The following SLC4A4 variants were observed in gnomAD, a reference collection of about 807,000 sequenced individuals.
SLC4A4 encodes the protein solute carrier family 4 member 4, also known as electrogenic sodium bicarbonate cotransporter 1.
SLC4A4 carries 27 observed loss-of-function variants against 111.5 expected under a neutral mutation model. That is an observed-to-expected ratio of 0.24 (90% CI 0.18 to 0.33). The LOEUF (loss-of-function observed/expected upper bound fraction) is 0.33. SLC4A4 is among the 10% of genes least tolerant of loss of function. The pLI is 1.00. For synonymous variants in SLC4A4, 443 were observed against 463.4 expected (o/e 0.96, Z 0.57); for missense variants, 909 against 1,315.5 (o/e 0.69, Z 4.78).
At chr4:71,335,633 G>A (rs1387534524) in intron 3 of SLC4A4, among the ~76,000 whole-genome samples, 1 of 152,136 alleles carries the variant, frequency 6.6e-6, no homozygotes, top group Non-Finnish European at 1.5e-5. Flanking sequence ...AGACCATCCT[G>A]ACTAACACGG....
intron 14 of SLC4A4, among the ~76,000 whole-genome samples, chr4:71,478,974 T>A (rs1199070948): frequency 1.3e-5 from 2 of 151,770 alleles, no homozygotes; most frequent in Non-Finnish European, 2.9e-5. Flanking sequence ...TCAAGGCACA[T>A]TAATATTTTG....
chr4:71,403,949 T>G (rs1195958905), intron 7 of SLC4A4, among the ~76,000 whole-genome samples: 1 of 152,174 alleles, frequency 6.6e-6, no homozygotes, highest in Non-Finnish European at 1.5e-5. Flanking sequence ...TTTCTTAATG[T>G]GTTAGCCATA....
At chr4:71,272,757 T>C (rs1471814828) in intron 3 of SLC4A4, among the ~76,000 whole-genome samples, 1 of 152,166 alleles carries the variant, frequency 6.6e-6, no homozygotes, top group African/African-American at 2.4e-5. Flanking sequence ...TCCTGATGAT[T>C]TTTCACAACT....
intron 2 of SLC4A4, among the ~76,000 whole-genome samples, chr4:71,167,122 T>C (rs565391531): frequency 2.0e-5 from 3 of 152,192 alleles, no homozygotes; most frequent in African/African-American, 7.2e-5. Context: ...GCTGGAGTGA[T>C]TTGATGGCAG....
chr4:71,427,085 G>T (rs1188907326), intron 7 of SLC4A4, among the ~76,000 whole-genome samples: 1 of 152,072 alleles, frequency 6.6e-6, no homozygotes, highest in Non-Finnish European at 1.5e-5. Context: ...TTTTCACAAT[G>T]TGAACACACC....
At chr4:71,508,844 G>A (rs975972777) in intron 16 of SLC4A4, among the ~76,000 whole-genome samples, 15 of 152,150 alleles carry the variant, frequency 9.9e-5, no homozygotes, top group African/African-American at 3.6e-4. Flanking sequence ...GAACATTGAT[G>A]CAAAAATCTT....
intron 23 of SLC4A4, 27 bp from the exon 24 acceptor site, chr4:71,563,765 TA>T: frequency 7.1e-7 from 1 of 1,416,502 alleles, no homozygotes; most frequent in Non-Finnish European, 1.0e-6. Flanking sequence ...AAAAACATTC[TA>T]AAACCTCTTG....
At chr4:71,155,366 T>C (rs996196050) in intron 2 of SLC4A4, among the ~76,000 whole-genome samples, 1 of 152,146 alleles carries the variant, frequency 6.6e-6, no homozygotes, top group African/African-American at 2.4e-5. Context: ...AAAAACCAAA[T>C]AAAGAAGAAA....
chr4:71,077,163 A>G (rs893480942), intron 1 of SLC4A4, among the ~76,000 whole-genome samples: 1 of 149,364 alleles, frequency 6.7e-6, no homozygotes, highest in Non-Finnish European at 1.5e-5. Context: ...TAGAGTATGT[A>G]CTTTTTTTTT....
At chr4:71,350,100 A>G (rs374520458) in intron 5 of SLC4A4, 28 bp downstream of exon 5, 4 of 1,612,892 alleles carry the variant, frequency 2.5e-6, no homozygotes, top group Non-Finnish European at 2.5e-6. Flanking sequence ...ATTTTATCCT[A>G]TTTTTTTCGG....
intron 1 of SLC4A4, chr4:71,236,046 G>A (rs1428178878): frequency 1.0e-6 from 1 of 993,212 alleles, no homozygotes; most frequent in Non-Finnish European, 1.2e-6. Flanking sequence ...AGGCTGGCTG[G>A]AAGCTAGGCT....
At chr4:71,161,694 GAATGAATGCTGCAA>G (rs1744620057) in intron 2 of SLC4A4, among the ~76,000 whole-genome samples, 1 of 152,154 alleles carries the variant, frequency 6.6e-6, no homozygotes, top group African/African-American at 2.4e-5. Context: ...TTGAATGAAT[GAATGAATGCTGCAA>G]AACAGTGTAG....
intron 7 of SLC4A4, among the ~76,000 whole-genome samples, chr4:71,427,170 T>C (rs1386675629): frequency 2.0e-5 from 3 of 152,102 alleles, no homozygotes; most frequent in Non-Finnish European, 4.4e-5. Flanking sequence ...CATTAATCTC[T>C]AGTTTTTATT....
At chr4:71,378,353 GCCACTGT>G (rs1717736541) in intron 6 of SLC4A4, among the ~76,000 whole-genome samples, 1 of 152,200 alleles carries the variant, frequency 6.6e-6, no homozygotes, top group South Asian at 2.1e-4. Context: ...GTTATGGAAG[GCCACTGT>G]GCAGAAAATC....
chr4:71,337,559 TG>T (rs1370896804), intron 3 of SLC4A4, among the ~76,000 whole-genome samples: 1 of 152,304 alleles, frequency 6.6e-6, no homozygotes, highest in East Asian at 1.9e-4. Flanking sequence ...TGATCACCTC[TG>T]TCACTAAACC....
intron 2 of SLC4A4, among the ~76,000 whole-genome samples, chr4:71,140,508 T>G (rs1477935393): frequency 3.3e-5 from 5 of 152,226 alleles, no homozygotes; most frequent in Non-Finnish European, 7.3e-5. Context: ...CATACTCATA[T>G]ATTTAATTGC....
chr4:71,366,871 C>A (rs1731384693), intron 6 of SLC4A4, among the ~76,000 whole-genome samples: 1 of 152,206 alleles, frequency 6.6e-6, no homozygotes, highest in African/African-American at 2.4e-5. Flanking sequence ...GAGGGTCCAA[C>A]AAATCAAAAT....
intron 1 of SLC4A4, among the ~76,000 whole-genome samples, chr4:71,193,611 T>C (rs967226905): frequency 3.3e-5 from 5 of 152,332 alleles, no homozygotes; most frequent in Admixed American, 2.6e-4. Flanking sequence ...AGGGGTTTTG[T>C]ATGTCTTTTT....
At chr4:71,145,203 A>C (rs1744128847) in intron 2 of SLC4A4, among the ~76,000 whole-genome samples, 1 of 152,190 alleles carries the variant, frequency 6.6e-6, no homozygotes, top group African/African-American at 2.4e-5. Flanking sequence ...CTATTGAGAT[A>C]ATCATGTGGT....
Sources: gnomAD v4.1 joint callset for allele counts (sites outside exome capture counted in the v4.1 genomes callset) on GRCh38, gnomAD v4.1.1 for gene constraint, MANE v1.5 for transcripts, NCBI Gene and HGNC (gene_info 2026-07-23, HGNC 2026-07-21) for gene names.